Variants in GTF2B observed in about 807,000 individuals in gnomAD.
GTF2B encodes general transcription factor IIB, also known as transcription initiation factor IIB.
Under a neutral mutation model 34.6 loss-of-function variants are expected in GTF2B, and 20 were observed. The observed-to-expected ratio is 0.58, with a 90% CI of 0.41 to 0.84. GTF2B has a LOEUF of 0.84. Among genes scored for constraint, GTF2B ranks in the 40% least tolerant of loss-of-function variants. The pLI is 0.00. For missense variants in GTF2B, 237 were observed against 393.3 expected, an observed-to-expected ratio of 0.60 and a Z score of 3.36; for synonymous variants, 142 against 132.4, an observed-to-expected ratio of 1.07 and a Z score of -0.50.
intron 3 of GTF2B, among the ~76,000 whole-genome samples, chr1:88,860,648 T>G (rs1471996022): frequency 6.6e-6 from 1 of 152,066 alleles, no homozygotes; most frequent in Non-Finnish European, 1.5e-5. Flanking sequence ...CACAAGATAT[T>G]AGAGAATCAA....
intron 2 of GTF2B, among the ~76,000 whole-genome samples, chr1:88,870,272 TAAG>T (rs1236837873): frequency 2.6e-5 from 4 of 152,230 alleles, no homozygotes; most frequent in Admixed American, 6.5e-5. Flanking sequence ...GTATCTTGAT[TAAG>T]GTGTGGGTTA....
Position 88,866,858 on chromosome 1 carries a change from A to C in GTF2B, c.125-2744T>G, listed in dbSNP as rs77142879. 4.3e-3 allele frequency among the ~76,000 whole-genome samples: 657 copies of C among 152,342 alleles called. 3 individuals carry two copies. The highest frequency in any genetic ancestry group is 0.015 in the African/African-American group (617 of 41,574). On this transcript the variant is annotated intron_variant, in intron 2 of 6. Transcript: ENST00000370500. ...CAAGGAGAACACGCAAGGAAGGCAGAAGCAGGACAGTAAGTTAGAAGGCAA... is the reference window on the plus strand; with the variant it reads ...CAAGGAGAACACGCAAGGAAGGCAGCAGCAGGACAGTAAGTTAGAAGGCAA...
chr1:88,881,116 G>C (rs372455439), intron 2 of GTF2B, among the ~76,000 whole-genome samples: 4 of 147,304 alleles, frequency 2.7e-5, no homozygotes, highest in East Asian at 2.0e-4. Context: ...ACTAGAATAT[G>C]AGTTTGGCCA....
In GTF2B at chr1:88,891,533, C is replaced by T. The variant is rs200468190; in HGVS notation, c.-34G>A. ...CGACTGCGGTGCCCGCAACAAGACACAACAGACACACCGAAAGCAGGAAGC... is the reference window on the plus strand; with the variant it reads ...CGACTGCGGTGCCCGCAACAAGACATAACAGACACACCGAAAGCAGGAAGC... On this transcript the variant is annotated 5_prime_UTR_variant, in exon 1 of 7. It adds an upstream start codon to the 5' untranslated region. Coordinates refer to ENST00000370500, the MANE Select transcript of GTF2B (RefSeq NM_001514.6). 1.3e-6 allele frequency: 2 copies of T among 1,592,716 alleles called. No homozygotes were observed. Among genetic ancestry groups the T allele is most frequent in the Non-Finnish European group, 1.7e-6 (2 of 1,166,284 alleles).
intron 6 of GTF2B, among the ~76,000 whole-genome samples, chr1:88,854,995 T>C (rs1673271141): frequency 6.6e-6 from 1 of 152,236 alleles, no homozygotes; most frequent in South Asian, 2.1e-4. Flanking sequence ...CTGCCTGCTG[T>C]GCAGGGAAGA....
intron 6 of GTF2B, among the ~76,000 whole-genome samples, chr1:88,856,248 AAC>A (rs1435053287): frequency 6.9e-6 from 1 of 143,906 alleles, no homozygotes; most frequent in African/African-American, 2.6e-5. Flanking sequence ...CAGCCTGCGC[AAC>A]AGAGGGAGAC....
intron 2 of GTF2B, among the ~76,000 whole-genome samples, chr1:88,867,341 T>C (rs1420281920): frequency 6.6e-6 from 1 of 152,238 alleles, no homozygotes; most frequent in African/African-American, 2.4e-5. Flanking sequence ...ATTAAATTTA[T>C]CATAAACACC....
intron 2 of GTF2B, among the ~76,000 whole-genome samples, chr1:88,886,339 A>C (rs1284381484): frequency 1.3e-5 from 2 of 152,094 alleles, no homozygotes; most frequent in African/African-American, 2.4e-5. Context: ...TATTACCCCT[A>C]TTCTCAGATG....
chr1:88,890,881 A>G (rs549103106), intron 1 of GTF2B, among the ~76,000 whole-genome samples: 2 of 152,258 alleles, frequency 1.3e-5, no homozygotes, highest in South Asian at 4.1e-4. Context: ...ACAGGCAACG[A>G]TATTTGTAAA....
At chr1:88,869,182 A>G (rs1673630664) in intron 2 of GTF2B, among the ~76,000 whole-genome samples, 2 of 152,216 alleles carry the variant, frequency 1.3e-5, no homozygotes, top group African/African-American at 4.8e-5. Context: ...TTTACACAGC[A>G]TTTACACTAC....
chr1:88,891,402 G>C lies in GTF2B; in HGVS notation c.17+81C>G, dbSNP rs950411259. The C allele has an allele frequency of 5.5e-6, 6 of 1,091,364 alleles. No homozygotes were observed. In the Admixed American group the frequency reaches 6.1e-5, roughly 11 times the overall value. The allele number at this position is 1,091,364 out of a possible 1,614,324, so 67.6% of individuals were successfully genotyped here. A position where few individuals can be genotyped will look rare whatever the true frequency, so the allele number is the denominator to read the frequency against. On this transcript the variant is annotated intron_variant, in intron 1 of 6. Transcript: ENST00000370500. ...CATACCCCTAGGCGCTCAGCCCTAC[G>C]AGGCTGCCCGGAGGCCGCCTAAAAG...
At chr1:88,872,600 T>C (rs929722522) in intron 2 of GTF2B, among the ~76,000 whole-genome samples, 3 of 152,144 alleles carry the variant, frequency 2.0e-5, no homozygotes, top group Non-Finnish European at 4.4e-5. Flanking sequence ...TGAGCTCTTC[T>C]GCTAGGAATG....
intron 3 of GTF2B, among the ~76,000 whole-genome samples, chr1:88,861,031 G>GA (rs1445901790): frequency 3.1e-4 from 47 of 152,242 alleles, no homozygotes; most frequent in African/African-American, 1.1e-3. Context: ...GAATATGCAA[G>GA]AAAATCACTA....
In GTF2B at chr1:88,859,946, A is replaced by G; in HGVS notation, c.471T>C (p.Asp157=). The G allele has an allele frequency of 6.2e-7, 1 of 1,612,398 alleles. No individual in the cohort carries two copies. Among genetic ancestry groups the G allele is most frequent in the Non-Finnish European group, 8.5e-7 (1 of 1,178,456 alleles). The change falls in exon 5 of 7, where the codon GAT becomes GAC. Residue 157 remains aspartate, a synonymous_variant. Transcript: ENST00000370500. The part of the protein sequence containing the change: ...EQKSLKGRAN[D]AIASACLYIA... ...TATAGAGACAAGCAGAAGCTATAGC[A>G]TCATTAGCTCTTCCCTTCAGGCTCT...
Position 88,882,414 on chromosome 1 carries a change from A to G in GTF2B, c.124+4847T>C, listed in dbSNP as rs958277380. Among the ~76,000 whole-genome samples, 4 of 151,506 alleles carry G rather than the reference A, an allele frequency of 2.6e-5. No individual in the cohort carries two copies. The Admixed American group carries it at 2.6e-4, about 10-fold the overall frequency. On this transcript the variant is annotated intron_variant, in intron 2 of 6. Coordinates refer to ENST00000370500, the MANE Select transcript of GTF2B (RefSeq NM_001514.6). The stretch of plus-strand genomic sequence containing the variant: ...TATGTCTGTCTCACTCGTACACATT[A>G]TCAGTTTGATCTTAACACTGTGGAA...
chr1:88,870,988 G>C (rs1465614665), intron 2 of GTF2B, among the ~76,000 whole-genome samples: 2 of 144,658 alleles, frequency 1.4e-5, no homozygotes, highest in African/African-American at 5.2e-5. Context: ...TGCAACCTCT[G>C]CCTCCTAGGT....
intron 2 of GTF2B, among the ~76,000 whole-genome samples, chr1:88,876,648 T>G (rs1008289101): frequency 2.6e-5 from 4 of 152,204 alleles, no homozygotes; most frequent in African/African-American, 9.7e-5. Flanking sequence ...GCCACTAGCC[T>G]GGGCAACAGA....
At chr1:88,868,490 T>A (rs926328837) in intron 2 of GTF2B, among the ~76,000 whole-genome samples, 1 of 150,514 alleles carries the variant, frequency 6.6e-6, no homozygotes, top group Non-Finnish European at 1.5e-5. Context: ...GCACCCAATA[T>A]GTGTATTTAT....
Position 88,860,295 on chromosome 1 carries a change from C to G in GTF2B, c.259-9G>C, listed in dbSNP as rs1424243062. ...CTTGCAGCTCCTGTGCCCTATAAAA[C>G]AGTTTTATAACTATGAAAAAATTTT... On this transcript the variant is annotated splice_polypyrimidine_tract_variant and intron_variant, in intron 3 of 6. Coordinates refer to ENST00000370500, the MANE Select transcript of GTF2B (RefSeq NM_001514.6). 6.2e-7 allele frequency: 1 copy of G among 1,606,792 alleles called. No homozygotes were observed. The highest frequency in any genetic ancestry group is 1.7e-5 in the Admixed American group (1 of 57,910).
Sources: allele counts gnomAD v4.1 joint callset (sites outside exome capture counted in the v4.1 genomes callset), GRCh38; gene constraint gnomAD v4.1.1; transcripts MANE v1.5; gene names NCBI Gene and HGNC (gene_info 2026-07-23, HGNC 2026-07-21).